Variants in PDZRN4 observed in about 807,000 individuals in gnomAD.
The protein encoded by PDZRN4 is PDZ domain containing ring finger 4.
Under a neutral mutation model 99.0 loss-of-function variants are expected in PDZRN4, and 70 were observed. That is an observed-to-expected ratio of 0.71 (90% CI 0.58 to 0.86). PDZRN4 has a LOEUF of 0.86. Among genes scored for constraint, PDZRN4 ranks in the 40% least tolerant of loss-of-function variants. PDZRN4 has a pLI of 0.00. For missense variants in PDZRN4, 1,474 were observed against 1,331.2 expected (o/e 1.11, Z -1.67); for synonymous variants, 551 against 501.6 (o/e 1.10, Z -1.32).
chr12:41,341,811 A>G (rs1951819669), intron 3 of PDZRN4, among the ~76,000 whole-genome samples: 1 of 151,980 alleles, frequency 6.6e-6, no homozygotes, highest in Non-Finnish European at 1.5e-5. Flanking sequence ...TCATTGTCAA[A>G]ATACCAATGA....
intron 7 of PDZRN4, among the ~76,000 whole-genome samples, chr12:41,561,575 A>G (rs1592113451): frequency 7.0e-6 from 1 of 143,506 alleles, no homozygotes; most frequent in African/African-American, 2.6e-5. Context: ...TATTTTTTAT[A>G]TATATTATAT....
intron 3 of PDZRN4, among the ~76,000 whole-genome samples, chr12:41,208,085 T>A (rs573960312): frequency 6.6e-6 from 1 of 152,010 alleles, no homozygotes; most frequent in African/African-American, 2.4e-5. Context: ...CATCCTTAGT[T>A]CTGAGTGTCC....
intron 3 of PDZRN4, among the ~76,000 whole-genome samples, chr12:41,347,777 C>T (rs1951865407): frequency 6.6e-6 from 1 of 152,118 alleles, no homozygotes; most frequent in Non-Finnish European, 1.5e-5. Context: ...GTAGCTTCAG[C>T]TTTTAAATTC....
chr12:41,404,193 C>T (rs781346747), intron 3 of PDZRN4, among the ~76,000 whole-genome samples: 5 of 151,728 alleles, frequency 3.3e-5, no homozygotes, highest in Admixed American at 6.6e-5. Context: ...CAAATATTTT[C>T]GATCTGCGGT....
chr12:41,330,435 G>A lies in PDZRN4; in HGVS notation c.843+136247G>A, dbSNP rs374608226. Among the ~76,000 whole-genome samples, 13 of 150,678 alleles carry A rather than the reference G, an allele frequency of 8.6e-5. No homozygotes were observed. The East Asian group carries it at 2.3e-3, about 27-fold the overall frequency. Reference sequence around the variant, plus strand: ...CTCAGTATCCTGATCTGTAAAATGGGGATATTAAAATCAGTTTAAATCATA... The same window carrying A: ...CTCAGTATCCTGATCTGTAAAATGGAGATATTAAAATCAGTTTAAATCATA... On this transcript the variant is annotated intron_variant, in intron 3 of 9. Coordinates refer to ENST00000402685, the MANE Select transcript of PDZRN4 (RefSeq NM_001164595.2).
chr12:41,376,160 G>A (rs772957270), intron 3 of PDZRN4, among the ~76,000 whole-genome samples: 2 of 151,938 alleles, frequency 1.3e-5, no homozygotes, highest in Admixed American at 6.6e-5. Context: ...GTTTGTCTTG[G>A]CTATTGTGAA....
intron 3 of PDZRN4, among the ~76,000 whole-genome samples, chr12:41,212,862 G>A (rs916786973): frequency 2.6e-5 from 4 of 152,012 alleles, no homozygotes; most frequent in African/African-American, 9.7e-5. Context: ...TTTTTAAAGA[G>A]ACAGATGAGT....
At chr12:41,213,397 T>A (rs1406708390) in intron 3 of PDZRN4, among the ~76,000 whole-genome samples, 3 of 152,062 alleles carry the variant, frequency 2.0e-5, no homozygotes, top group Non-Finnish European at 2.9e-5. Flanking sequence ...TGGGAAGTCG[T>A]AAGCAACAGG....
intron 3 of PDZRN4, among the ~76,000 whole-genome samples, chr12:41,226,003 A>G (rs1371158925): frequency 1.3e-5 from 2 of 151,890 alleles, no homozygotes; most frequent in East Asian, 3.9e-4. Flanking sequence ...TCCGGTCAAC[A>G]ATTTACCCAT....
chr12:41,561,621 A>G (rs1405883112), intron 7 of PDZRN4, among the ~76,000 whole-genome samples: 1 of 148,510 alleles, frequency 6.7e-6, no homozygotes, highest in Non-Finnish European at 1.5e-5. Context: ...ATATATATAT[A>G]TATATGTACA....
intron 3 of PDZRN4, among the ~76,000 whole-genome samples, chr12:41,463,016 C>T (rs1042761799): frequency 6.6e-6 from 1 of 152,104 alleles, no homozygotes; most frequent in Admixed American, 6.6e-5. Flanking sequence ...GCCTTGTCAC[C>T]CTGATGCCAG....
chr12:41,566,122 A>T (rs1274315862), intron 8 of PDZRN4, among the ~76,000 whole-genome samples: 3 of 152,206 alleles, frequency 2.0e-5, no homozygotes, highest in Admixed American at 2.0e-4. Context: ...ACATATAATG[A>T]CTATGGCTGG....
intron 3 of PDZRN4, among the ~76,000 whole-genome samples, chr12:41,209,339 T>TTTTTA (rs10692256): frequency 0.69 from 103,303 of 150,080 alleles, 35,828 homozygotes; most frequent in South Asian, 0.75. Context: ...TCTTTTTATT[T>TTTTTA]TTTTATTTAT....
chr12:41,230,380 A>G (rs1048033730), intron 3 of PDZRN4, among the ~76,000 whole-genome samples: 1 of 152,062 alleles, frequency 6.6e-6, no homozygotes, highest in Admixed American at 6.6e-5. Context: ...GATAACTGTA[A>G]TGAATATTCA....
At chr12:41,485,723 A>C (rs1937762370) in intron 3 of PDZRN4, among the ~76,000 whole-genome samples, 1 of 152,204 alleles carries the variant, frequency 6.6e-6, no homozygotes, top group East Asian at 1.9e-4. Flanking sequence ...ACGATGAGTC[A>C]TTCTTGTTCT....
chr12:41,285,920 C>T (rs914309964), intron 3 of PDZRN4, among the ~76,000 whole-genome samples: 2 of 151,904 alleles, frequency 1.3e-5, no homozygotes, highest in African/African-American at 4.8e-5. Flanking sequence ...TTGTTGGGTG[C>T]AGCAAACCAC....
chr12:41,530,214 G>A (rs564492703), intron 5 of PDZRN4, among the ~76,000 whole-genome samples: 1 of 152,338 alleles, frequency 6.6e-6, no homozygotes, highest in South Asian at 2.1e-4. Context: ...AAAGGAGCAT[G>A]ATCATGACAT....
chr12:41,379,268 T>C (rs1033194981), intron 3 of PDZRN4, among the ~76,000 whole-genome samples: 7 of 149,592 alleles, frequency 4.7e-5, no homozygotes, highest in African/African-American at 1.7e-4. Context: ...TTTTTTTTGG[T>C]TGGTCTAGGT....
intron 3 of PDZRN4, among the ~76,000 whole-genome samples, chr12:41,421,760 CTT>C (rs1300454146): frequency 6.6e-6 from 1 of 152,094 alleles, no homozygotes; most frequent in Admixed American, 6.6e-5. Context: ...AACAATTTTT[CTT>C]TCTCAGCCCC....
Sources: gnomAD v4.1 joint callset for allele counts (sites outside exome capture counted in the v4.1 genomes callset) on GRCh38, gnomAD v4.1.1 for gene constraint, MANE v1.5 for transcripts, NCBI Gene and HGNC (gene_info 2026-07-23, HGNC 2026-07-21) for gene names.